CHODL: variants seen among roughly 807,000 people sequenced by gnomAD.
CHODL encodes transmembrane protein MT75.
A neutral mutation model predicts 34.5 loss-of-function variants in CHODL; 29 were observed. That is an observed-to-expected ratio of 0.84 (90% CI 0.63 to 1.15). CHODL has a LOEUF of 1.15. Ranked by LOEUF, CHODL falls within the 50% of genes most tolerant of loss-of-function variation. The probability of loss-of-function intolerance (pLI) is 0.00; values close to 1 mark genes in which losing one functional copy is unlikely to be tolerated. For synonymous variants in CHODL, 125 were observed against 116.1 expected, an observed-to-expected ratio of 1.08 and a Z score of -0.49; for missense variants, 332 against 332.5, an observed-to-expected ratio of 1.00 and a Z score of 0.01.
intron 1 of CHODL, among the ~76,000 whole-genome samples, chr21:18,016,943 G>A (rs2064080560): frequency 6.6e-6 from 1 of 152,254 alleles, no homozygotes; most frequent in Non-Finnish European, 1.5e-5. Context: ...GGGGCCTGCG[G>A]CCCCATTGTT....
At chr21:18,098,090 A>T (rs1277643878) in intron 2 of CHODL, among the ~76,000 whole-genome samples, 1 of 152,134 alleles carries the variant, frequency 6.6e-6, no homozygotes, top group East Asian at 1.9e-4. Flanking sequence ...TAGAAATCTA[A>T]GACCTCAGAC....
chr21:18,077,006 C>A (rs913362197), intron 2 of CHODL, among the ~76,000 whole-genome samples: 11 of 152,198 alleles, frequency 7.2e-5, no homozygotes, highest in Non-Finnish European at 1.3e-4. Context: ...GGCCTATTTA[C>A]TGACCTGAAA....
intron 2 of CHODL, among the ~76,000 whole-genome samples, chr21:18,048,617 A>G (rs531071340): frequency 1.7e-4 from 26 of 152,114 alleles, no homozygotes; most frequent in African/African-American, 6.0e-4. Context: ...ACTTGGCAAG[A>G]TTTTGAAAAT....
upstream of CHODL, among the ~76,000 whole-genome samples, chr21:18,240,270 A>C (rs915751472): frequency 9.2e-5 from 14 of 152,244 alleles, no homozygotes; most frequent in Middle Eastern, 3.4e-3. Context: ...ATAACATATG[A>C]CATTCTGGCT....
At chr21:18,217,479 T>C (rs1413356689) in intron 2 of CHODL, among the ~76,000 whole-genome samples, 1 of 151,560 alleles carries the variant, frequency 6.6e-6, no homozygotes, top group African/African-American at 2.4e-5. Context: ...AACAGCAGCA[T>C]GAGGGTAACT....
At chr21:17,924,661 G>T (rs1568800288) in intron 1 of CHODL, among the ~76,000 whole-genome samples, 2 of 152,186 alleles carry the variant, frequency 1.3e-5, no homozygotes, top group Non-Finnish European at 2.9e-5. Flanking sequence ...TTCTGACCTG[G>T]ACTTTTTATT....
chr21:18,067,441 C>T (rs2064745549), intron 2 of CHODL, among the ~76,000 whole-genome samples: 2 of 152,208 alleles, frequency 1.3e-5, no homozygotes, highest in South Asian at 2.1e-4. Flanking sequence ...AGGGAGAAAC[C>T]GGGGTGATGT....
intron 2 of CHODL, among the ~76,000 whole-genome samples, chr21:18,163,037 A>G (rs574898596): frequency 3.3e-5 from 5 of 152,312 alleles, no homozygotes; most frequent in African/African-American, 1.2e-4. Context: ...ATCTATACCT[A>G]TGTCTATATC....
intron 1 of CHODL, among the ~76,000 whole-genome samples, chr21:17,934,725 G>C (rs965536498): frequency 6.6e-6 from 1 of 151,866 alleles, no homozygotes; most frequent in Admixed American, 6.6e-5. Context: ...TTAAAAATTT[G>C]CTTCCTCCCA....
At chr21:17,928,537 G>C (rs115232857) in intron 1 of CHODL, among the ~76,000 whole-genome samples, 2 of 152,168 alleles carry the variant, frequency 1.3e-5, no homozygotes. Context: ...AGCATGGTAC[G>C]TTTTAGAAAA....
intron 2 of CHODL, among the ~76,000 whole-genome samples, chr21:18,126,760 T>C (rs1158271397): frequency 6.6e-6 from 1 of 152,210 alleles, no homozygotes; most frequent in Non-Finnish European, 1.5e-5. Flanking sequence ...AAGAGGATTA[T>C]TAAATTTACA....
chr21:18,234,932 A>G (rs1163966716), intron 2 of CHODL, among the ~76,000 whole-genome samples: 1 of 152,144 alleles, frequency 6.6e-6, no homozygotes, highest in Admixed American at 6.6e-5. Context: ...TTCAAGTACT[A>G]AATGAATTAG....
chr21:18,096,411 C>T (rs900668417), intron 2 of CHODL, among the ~76,000 whole-genome samples: 5 of 152,160 alleles, frequency 3.3e-5, no homozygotes, highest in African/African-American at 1.2e-4. Context: ...TCATATTTCT[C>T]TTCTTGCAGA....
chr21:18,084,641 A>G (rs542193863), intron 2 of CHODL, among the ~76,000 whole-genome samples: 2 of 152,232 alleles, frequency 1.3e-5, no homozygotes, highest in Admixed American at 1.3e-4. Flanking sequence ...ATTTGATACA[A>G]TTTTGATTTT....
chr21:18,189,666 G>A (rs766151624), intron 2 of CHODL, among the ~76,000 whole-genome samples: 9 of 133,740 alleles, frequency 6.7e-5, no homozygotes, highest in Non-Finnish European at 1.2e-4. Context: ...ATAGAGTCTC[G>A]CTCTGTCACC....
intron 4 of CHODL, among the ~76,000 whole-genome samples, chr21:18,261,678 A>C (rs2074384647): frequency 6.6e-6 from 1 of 152,266 alleles, no homozygotes; most frequent in South Asian, 2.1e-4. Context: ...CACAAAAAAA[A>C]AATATTCAGT....
chr21:17,984,362 T>C (rs1182950327), intron 1 of CHODL, among the ~76,000 whole-genome samples: 1 of 152,162 alleles, frequency 6.6e-6, no homozygotes, highest in African/African-American at 2.4e-5. Flanking sequence ...ATGATTCTGA[T>C]TTTAAATCCT....
intron 2 of CHODL, among the ~76,000 whole-genome samples, chr21:18,108,914 A>G (rs573022574): frequency 6.6e-6 from 1 of 150,576 alleles, no homozygotes; most frequent in Non-Finnish European, 1.5e-5. Context: ...TGTATCATGT[A>G]GTGTGGTGGT....
intron 2 of CHODL, among the ~76,000 whole-genome samples, chr21:18,170,048 C>G (rs887464079): frequency 6.6e-6 from 1 of 151,934 alleles, no homozygotes; most frequent in Non-Finnish European, 1.5e-5. Flanking sequence ...TTTGCATTTT[C>G]TTTAATTGTC....
Sources: gnomAD v4.1 joint callset for allele counts (sites outside exome capture counted in the v4.1 genomes callset) on GRCh38, gnomAD v4.1.1 for gene constraint, MANE v1.5 for transcripts, NCBI Gene and HGNC (gene_info 2026-07-23, HGNC 2026-07-21) for gene names.